The following CSMD1 variants were observed in gnomAD, a reference collection of about 807,000 sequenced individuals.
CSMD1 encodes the protein CUB and Sushi multiple domains 1, also known as CUB and sushi domain-containing protein 1.
CSMD1 carries 213 observed loss-of-function variants against 417.5 expected under a neutral mutation model. The observed-to-expected ratio is 0.51, with a 90% CI of 0.46 to 0.57. The LOEUF (loss-of-function observed/expected upper bound fraction) is 0.57, where lower values mean the gene tolerates loss of function less well. CSMD1 is among the 20% of genes least tolerant of loss of function. CSMD1 has a pLI of 0.00. For missense variants in CSMD1, 6,923 were observed against 4,529.7 expected (o/e 1.53, Z -15.17); for synonymous variants, 2,862 against 1,736.8 (o/e 1.65, Z -16.11).
chr8:3,641,964 G>T (rs1278209866), intron 7 of CSMD1, among the ~76,000 whole-genome samples: 1 of 152,108 alleles, frequency 6.6e-6, no homozygotes, highest in Non-Finnish European at 1.5e-5. Context: ...TGACACAGAT[G>T]GGGAGAGAGC....
intron 4 of CSMD1, among the ~76,000 whole-genome samples, chr8:4,006,056 G>A (rs1256576920): frequency 6.6e-6 from 1 of 152,156 alleles, no homozygotes; most frequent in Non-Finnish European, 1.5e-5. Context: ...ACTATTCAAG[G>A]AATGAGCTGG....
chr8:4,951,603 C>A (rs118123463), intron 1 of CSMD1, among the ~76,000 whole-genome samples: 208 of 149,540 alleles, frequency 1.4e-3, no homozygotes, highest in Middle Eastern at 3.5e-3. Flanking sequence ...GAAAAACCTG[C>A]GGGGTTTTTT....
At chr8:4,492,195 T>A (rs910894933) in intron 2 of CSMD1, among the ~76,000 whole-genome samples, 2 of 152,196 alleles carry the variant, frequency 1.3e-5, no homozygotes, top group African/African-American at 4.8e-5. Context: ...CTTCAAGGGA[T>A]CTGCCCACCT....
chr8:4,366,587 T>C (rs1802086492), intron 3 of CSMD1, among the ~76,000 whole-genome samples: 1 of 152,158 alleles, frequency 6.6e-6, no homozygotes, highest in African/African-American at 2.4e-5. Context: ...TTCACCAGCA[T>C]CTGTTGTTTT....
At chr8:4,301,914 G>A (rs1260454796) in intron 3 of CSMD1, among the ~76,000 whole-genome samples, 3 of 152,122 alleles carry the variant, frequency 2.0e-5, no homozygotes, top group African/African-American at 7.2e-5. Flanking sequence ...TAGAATTTAT[G>A]TTGCTTTGAT....
chr8:3,699,051 A>C (rs1176352356), intron 7 of CSMD1, among the ~76,000 whole-genome samples: 1 of 152,170 alleles, frequency 6.6e-6, no homozygotes, highest in Non-Finnish European at 1.5e-5. Context: ...CTAGCGAAGC[A>C]CTCTGCAGAA....
intron 6 of CSMD1, among the ~76,000 whole-genome samples, chr8:3,718,923 C>A (rs571711688): frequency 1.3e-5 from 2 of 152,204 alleles, no homozygotes; most frequent in Admixed American, 6.5e-5. Context: ...CCAATTTAAA[C>A]CTTTTCCCTC....
intron 18 of CSMD1, among the ~76,000 whole-genome samples, chr8:3,381,983 C>T (rs950389875): frequency 3.9e-5 from 6 of 152,042 alleles, no homozygotes; most frequent in South Asian, 4.2e-4. Context: ...TCAGGCTGGG[C>T]GCGGTGGCTC....
chr8:4,866,888 T>G (rs1322505752), intron 1 of CSMD1, among the ~76,000 whole-genome samples: 1 of 151,988 alleles, frequency 6.6e-6, no homozygotes, highest in Non-Finnish European at 1.5e-5. Flanking sequence ...TGTGACCTCC[T>G]TAATTATAAT....
intron 2 of CSMD1, among the ~76,000 whole-genome samples, chr8:4,489,387 TC>T (rs1563226991): frequency 6.6e-6 from 1 of 152,194 alleles, no homozygotes; most frequent in Non-Finnish European, 1.5e-5. Context: ...TCACATGCAA[TC>T]CCCACCAAAA....
At chr8:2,984,013 G>A (rs551115283) in intron 54 of CSMD1, among the ~76,000 whole-genome samples, 1 of 152,232 alleles carries the variant, frequency 6.6e-6, no homozygotes, top group East Asian at 1.9e-4. Context: ...GGTAACTCCT[G>A]TTCCCTGAGC....
intron 1 of CSMD1, among the ~76,000 whole-genome samples, chr8:4,955,573 A>T (rs1329659238): frequency 1.3e-5 from 2 of 152,042 alleles, no homozygotes; most frequent in East Asian, 3.9e-4. Context: ...CTCCTGCCTC[A>T]GCCTCCCGAG....
Position 4,402,718 on chromosome 8 carries a change from C to G in CSMD1, c.415+17235G>C, listed in dbSNP as rs1216146798. 3.3e-5 allele frequency among the ~76,000 whole-genome samples: 5 copies of G among 151,636 alleles called. No homozygotes were observed. The South Asian group carries it at 6.2e-4, about 19-fold the overall frequency. On this transcript the variant is annotated intron_variant, in intron 3 of 69. Transcript: ENST00000635120. ...AGCAATGTGAAAACAGCCGTCATAT[C>G]CTTCTCTCACCTCATTCAACTACCT...
chr8:3,718,561 G>A (rs534832166), intron 6 of CSMD1, among the ~76,000 whole-genome samples: 4 of 152,064 alleles, frequency 2.6e-5, no homozygotes, highest in African/African-American at 9.6e-5. Context: ...ATTTAATGTC[G>A]CTTAATAGCA....
At chr8:3,665,192 G>C (rs964035985) in intron 7 of CSMD1, among the ~76,000 whole-genome samples, 1 of 152,096 alleles carries the variant, frequency 6.6e-6, no homozygotes, top group Non-Finnish European at 1.5e-5. Context: ...TTAGGTATTT[G>C]CATCTTTTAC....
chr8:3,907,284 A>G (rs967140511), intron 5 of CSMD1, among the ~76,000 whole-genome samples: 7 of 152,186 alleles, frequency 4.6e-5, no homozygotes, highest in African/African-American at 1.7e-4. Context: ...CATTTTTAAG[A>G]CTTTTTAAGA....
intron 2 of CSMD1, among the ~76,000 whole-genome samples, chr8:4,545,718 T>G (rs745970418): frequency 3.9e-5 from 6 of 152,096 alleles, no homozygotes; most frequent in African/African-American, 1.4e-4. Flanking sequence ...TGCCAACGGA[T>G]AGCAAATTCC....
intron 1 of CSMD1, among the ~76,000 whole-genome samples, chr8:4,894,837 G>C (rs373031855): frequency 8.6e-5 from 13 of 152,026 alleles, no homozygotes; most frequent in African/African-American, 3.1e-4. Flanking sequence ...ATTTGCTTTT[G>C]AATTTTTATT....
intron 2 of CSMD1, among the ~76,000 whole-genome samples, chr8:4,441,335 A>T (rs1261950501): frequency 1.3e-5 from 2 of 148,302 alleles, no homozygotes; most frequent in Non-Finnish European, 3.0e-5. Context: ...CTAGTTTTAA[A>T]CAGCTGGCCC....
Sources: allele counts gnomAD v4.1 joint callset (sites outside exome capture counted in the v4.1 genomes callset), GRCh38; gene constraint gnomAD v4.1.1; transcripts MANE v1.5; gene names NCBI Gene and HGNC (gene_info 2026-07-23, HGNC 2026-07-21).